Variants in GRIK1 observed in about 807,000 individuals in gnomAD.
GRIK1 encodes glutamate receptor ionotropic, kainate 1.
GRIK1 carries 69 observed loss-of-function variants against 105.7 expected under a neutral mutation model. That is an observed-to-expected ratio of 0.65 (90% CI 0.54 to 0.80). GRIK1 has a LOEUF of 0.80. Among genes scored for constraint, GRIK1 ranks in the 30% least tolerant of loss-of-function variants. GRIK1 has a pLI of 0.00. For synonymous variants in GRIK1, 438 were observed against 431.3 expected (o/e 1.02, Z -0.19); for missense variants, 1,109 against 1,167.3 (o/e 0.95, Z 0.73).
chr21:29,788,673 C>G (rs1274736993), intron 1 of GRIK1, among the ~76,000 whole-genome samples: 2 of 152,150 alleles, frequency 1.3e-5, no homozygotes, highest in Non-Finnish European at 2.9e-5. Flanking sequence ...AATTACGCAG[C>G]TTACCATAAT....
At chr21:29,585,376 C>T (rs550434654) in intron 12 of GRIK1, among the ~76,000 whole-genome samples, 39 of 152,188 alleles carry the variant, frequency 2.6e-4, no homozygotes, top group Admixed American at 1.5e-3. Flanking sequence ...GAGATTTAAG[C>T]GCACAGTTGG....
rs77413412 is a variant in GRIK1 at position 29,928,180 on chromosome 21, A to G, written c.118+11203T>C. Among the ~76,000 whole-genome samples, 1,449 of 152,330 alleles carry G rather than the reference A, an allele frequency of 9.5e-3. 18 individuals are homozygous for G. Among genetic ancestry groups the G allele is most frequent in the African/African-American group, 0.033 (1,370 of 41,564 alleles). ...TAAGCAAAAACATCCTCACATTCAA[A>G]GGGTTGGACATCCATGTCCTAGGCT... On this transcript the variant is annotated intron_variant, in intron 1 of 17. Coordinates refer to ENST00000327783, the MANE Select transcript of GRIK1 (RefSeq NM_001330994.2).
At chr21:29,693,276 C>T (rs543641739) in intron 2 of GRIK1, among the ~76,000 whole-genome samples, 4 of 152,286 alleles carry the variant, frequency 2.6e-5, no homozygotes, top group Non-Finnish European at 5.9e-5. Context: ...CCCACAATTC[C>T]GAATGAATCT....
chr21:29,643,444 G>A (rs543967902), intron 6 of GRIK1, among the ~76,000 whole-genome samples: 123 of 152,190 alleles, frequency 8.1e-4, no homozygotes, highest in Non-Finnish European at 1.4e-3. Context: ...TTCCAGATAA[G>A]GATACTGGTG....
chr21:29,905,876 C>A (rs1347089527), intron 1 of GRIK1, among the ~76,000 whole-genome samples: 1 of 152,144 alleles, frequency 6.6e-6, no homozygotes, highest in Non-Finnish European at 1.5e-5. Flanking sequence ...GATCTCCCGA[C>A]CTCGGCCTCC....
chr21:29,594,666 A>G (rs2061378753), intron 9 of GRIK1, among the ~76,000 whole-genome samples: 1 of 152,214 alleles, frequency 6.6e-6, no homozygotes, highest in East Asian at 1.9e-4. Flanking sequence ...AACTTTTTTT[A>G]AAAAGCGATG....
intron 1 of GRIK1, among the ~76,000 whole-genome samples, chr21:29,816,859 C>A (rs1358837413): frequency 6.6e-6 from 1 of 151,962 alleles, no homozygotes; most frequent in Non-Finnish European, 1.5e-5. Context: ...AGAGTAAGTT[C>A]TAGTGTTTGA....
At position 29,892,441 on chromosome 21, in the gene GRIK1, A is replaced by G. The variant is rs539772259; in HGVS notation, c.118+46942T>C. 2.6e-5 allele frequency among the ~76,000 whole-genome samples: 4 copies of G among 152,384 alleles called. No homozygotes were observed. In the South Asian group the frequency reaches 8.3e-4, roughly 32 times the overall value. On this transcript the variant is annotated intron_variant, in intron 1 of 17. Coordinates refer to ENST00000327783, the MANE Select transcript of GRIK1 (RefSeq NM_001330994.2). ...TAATTGGGAGAGGAATTTGAAACCT[A>G]TAATTGGGAGCTTGGATTTGATACA...
chr21:29,647,950 T>G (rs939001631), intron 6 of GRIK1, among the ~76,000 whole-genome samples: 43 of 152,348 alleles, frequency 2.8e-4, no homozygotes, highest in Admixed American at 1.6e-3. Flanking sequence ...TAAATTTTTT[T>G]CTTTAATTAA....
At chr21:29,788,652 T>G (rs998435552) in intron 1 of GRIK1, among the ~76,000 whole-genome samples, 4 of 152,216 alleles carry the variant, frequency 2.6e-5, no homozygotes, top group African/African-American at 9.6e-5. Context: ...CGTTGTAATA[T>G]ATCATGAAAT....
rs1391865067 is a variant in GRIK1 at position 29,888,199 on chromosome 21, C to CTTTCTTTCTTCCTTTCTT, written c.118+51183_118+51184insAAGAAAGGAAGAAAGAAA. The stretch of plus-strand genomic sequence containing the variant: ...TTTCTTTCTTCCTTTCTTTCTTTCT[C>CTTTCTTTCTTCCTTTCTT]TCTCTCTCTCTCTCTCTCTCTCTCT... On this transcript the variant is annotated intron_variant, in intron 1 of 17. Coordinates refer to ENST00000327783, the MANE Select transcript of GRIK1 (RefSeq NM_001330994.2). Among the ~76,000 whole-genome samples, 62 of 15,802 alleles carry CTTTCTTTCTTCCTTTCTT rather than the reference C, an allele frequency of 3.9e-3. 7 individuals are homozygous for CTTTCTTTCTTCCTTTCTT. Among genetic ancestry groups the CTTTCTTTCTTCCTTTCTT allele is most frequent in the East Asian group, 0.011 (4 of 380 alleles). The allele number at this position is 15,802 out of a possible 152,430, so 10.4% of individuals were successfully genotyped here. A position where few individuals can be genotyped will look rare whatever the true frequency, so the allele number is the denominator to read the frequency against.
intron 1 of GRIK1, among the ~76,000 whole-genome samples, chr21:29,776,034 AAG>A (rs985693969): frequency 7.2e-5 from 11 of 152,176 alleles, no homozygotes; most frequent in Non-Finnish European, 1.3e-4. Flanking sequence ...CCTTCTTTAC[AAG>A]GTGGCAGGAA....
In GRIK1 at chr21:29,645,123, T is replaced by C. The variant is rs540755602; in HGVS notation, c.955-2154A>G. Reference sequence around the variant, plus strand: ...TGATAATTTACTATGTGCCAGGCACTATAAGCATTTTACATATGTCATCTT... The same window carrying C: ...TGATAATTTACTATGTGCCAGGCACCATAAGCATTTTACATATGTCATCTT... On this transcript the variant is annotated intron_variant, in intron 6 of 17. Transcript: ENST00000327783. 3.3e-5 allele frequency among the ~76,000 whole-genome samples: 5 copies of C among 152,384 alleles called. No individual in the cohort carries two copies. The South Asian group carries it at 1.0e-3, about 32-fold the overall frequency.
chr21:29,824,518 T>G (rs1569133522), intron 1 of GRIK1, among the ~76,000 whole-genome samples: 1 of 152,040 alleles, frequency 6.6e-6, no homozygotes, highest in East Asian at 1.9e-4. Flanking sequence ...GGAGGTGCTT[T>G]TTAGACAGAA....
intron 3 of GRIK1, among the ~76,000 whole-genome samples, chr21:29,688,107 A>G (rs1159770473): frequency 2.0e-5 from 3 of 152,250 alleles, no homozygotes; most frequent in African/African-American, 7.2e-5. Flanking sequence ...ATAATGATTT[A>G]TTCCTTCACA....
At chr21:29,579,904 AC>A (rs2090976705) in intron 13 of GRIK1, among the ~76,000 whole-genome samples, 2 of 151,454 alleles carry the variant, frequency 1.3e-5, no homozygotes, top group Admixed American at 1.3e-4. Context: ...ACAGTCATAT[AC>A]CTGCACAGGC....
intron 1 of GRIK1, among the ~76,000 whole-genome samples, chr21:29,804,083 AC>A (rs2066787809): frequency 6.6e-6 from 1 of 151,984 alleles, no homozygotes; most frequent in Non-Finnish European, 1.5e-5. Flanking sequence ...AGATGTCTTG[AC>A]CCCATCGTTT....
At chr21:29,840,615 G>A (rs978907735) in intron 1 of GRIK1, among the ~76,000 whole-genome samples, 1 of 152,134 alleles carries the variant, frequency 6.6e-6, no homozygotes. Flanking sequence ...TTCAGAGGGT[G>A]GATCAAGTTT....
intron 14 of GRIK1, among the ~76,000 whole-genome samples, chr21:29,569,269 G>A (rs937505287): frequency 4.6e-5 from 7 of 152,210 alleles, no homozygotes; most frequent in African/African-American, 9.6e-5. Flanking sequence ...GATGTTATAA[G>A]TGATAGTTAC....
Sources: allele counts gnomAD v4.1 joint callset (sites outside exome capture counted in the v4.1 genomes callset), GRCh38; gene constraint gnomAD v4.1.1; transcripts MANE v1.5; gene names NCBI Gene and HGNC (gene_info 2026-07-23, HGNC 2026-07-21).